Variants in SPDYA observed in about 807,000 individuals in gnomAD.
SPDYA encodes speedy/RINGO cell cycle regulator family member A, also known as speedy protein A.
Under a neutral mutation model 36.7 loss-of-function variants are expected in SPDYA, and 11 were observed. That is an observed-to-expected ratio of 0.30 (90% confidence interval 0.19 to 0.50). SPDYA has a LOEUF of 0.50. Ranked by LOEUF, SPDYA falls within the 20% of genes least tolerant of loss-of-function variation. The pLI, the probability that SPDYA is intolerant of heterozygous loss-of-function variation, is 0.98. For synonymous variants in SPDYA, 115 were observed against 118.7 expected, an observed-to-expected ratio of 0.97 and a Z score of 0.20; for missense variants, 287 against 370.9, an observed-to-expected ratio of 0.77 and a Z score of 1.86.
chr2:28,822,072 C>T (rs1668183619), intron 4 of SPDYA, among the ~76,000 whole-genome samples: 1 of 152,032 alleles, frequency 6.6e-6, no homozygotes, highest in African/African-American at 2.4e-5. Flanking sequence ...GGGATTTTAG[C>T]TCAAACTATT....
chr2:28,815,750 A>C (rs1344940411), intron 2 of SPDYA, among the ~76,000 whole-genome samples: 1 of 152,182 alleles, frequency 6.6e-6, no homozygotes, highest in African/African-American at 2.4e-5. Context: ...TCTGCAGCCA[A>C]AGCAAAATGG....
intron 6 of SPDYA, among the ~76,000 whole-genome samples, chr2:28,837,610 C>A (rs867256858): frequency 2.6e-4 from 39 of 152,232 alleles, no homozygotes; most frequent in Admixed American, 1.0e-3. Flanking sequence ...TCTCACAATT[C>A]TTAGATCTAG....
chr2:28,841,244 T>C (rs1483046482), intron 7 of SPDYA, among the ~76,000 whole-genome samples: 2 of 152,112 alleles, frequency 1.3e-5, no homozygotes, highest in Non-Finnish European at 2.9e-5. Context: ...CAAAACCTGA[T>C]TTTTAATTCT....
chr2:28,830,352 C>T (rs1241589316), intron 6 of SPDYA, among the ~76,000 whole-genome samples: 2 of 151,650 alleles, frequency 1.3e-5, no homozygotes, highest in African/African-American at 2.4e-5. Flanking sequence ...TACAGGCGCC[C>T]GCCACCATGC....
chr2:28,828,080 G>A (rs555317851), intron 5 of SPDYA, among the ~76,000 whole-genome samples: 10 of 151,676 alleles, frequency 6.6e-5, no homozygotes, highest in African/African-American at 2.2e-4. Flanking sequence ...TCTGCCTTCC[G>A]GGTTCAAGCG....
chr2:28,825,585 A>G (rs1030530588), intron 5 of SPDYA, among the ~76,000 whole-genome samples: 2 of 152,076 alleles, frequency 1.3e-5, no homozygotes, highest in Non-Finnish European at 2.9e-5. Flanking sequence ...ATGTATTCTT[A>G]TAAGACTCTG....
At chr2:28,823,702 A>AATAT (rs1160889916) in intron 5 of SPDYA, among the ~76,000 whole-genome samples, 1,878 of 48,978 alleles carry the variant, frequency 0.038, 26 homozygotes, top group Middle Eastern at 0.053. Context: ...GGAATGCATG[A>AATAT]ATATATATAT....
rs113692426 is a variant in SPDYA at position 28,829,223 on chromosome 2, C to T, written c.456C>T (p.Asn152=). The change falls in exon 6 of 8, where the codon AAC becomes AAT. Residue 152 remains asparagine, a synonymous_variant. Coordinates refer to ENST00000334056, the MANE Select transcript of SPDYA (RefSeq NM_182756.4). ...TTTTTCCATGGGCTTTAGGGAAAAA[C>T]TGGAGAAAATTGTTCCCTAATTTCT... ...YEIFPWALGK[N]WRKLFPNFLK... The T allele has an allele frequency of 8.9e-4, 1,432 of 1,613,880 alleles. 17 individuals are homozygous for T. In the African/African-American group the frequency reaches 0.017, roughly 19 times the overall value.
chr2:28,821,064 A>G, intron 4 of SPDYA, among the ~76,000 whole-genome samples: 1 of 152,210 alleles, frequency 6.6e-6, no homozygotes, highest in East Asian at 1.9e-4. Flanking sequence ...ATATTTCACA[A>G]TATATCACTA....
intron 7 of SPDYA, among the ~76,000 whole-genome samples, chr2:28,848,724 C>T (rs1668951053): frequency 6.6e-6 from 1 of 152,094 alleles, no homozygotes; most frequent in African/African-American, 2.4e-5. Context: ...GTAGCATTTA[C>T]CCTCCAAGGC....
rs545162070 is a variant in SPDYA, at chr2:28,839,123, T to G, written c.553-1049T>G. 2.9e-3 allele frequency among the ~76,000 whole-genome samples: 444 copies of G among 152,324 alleles called. 2 individuals carry two copies. Among genetic ancestry groups the G allele is most frequent in the African/African-American group, 9.7e-3 (403 of 41,566 alleles). ...TCATCTAGTCCTCAGAATAATCCTGTGAAGTAGATGATATGCCCATTTTAG... is the reference window on the plus strand; with the variant it reads ...TCATCTAGTCCTCAGAATAATCCTGGGAAGTAGATGATATGCCCATTTTAG... On this transcript the variant is annotated intron_variant, in intron 6 of 7. Transcript: ENST00000334056.
At chr2:28,840,709 G>C in intron 7 of SPDYA, 1 of 1,206,088 alleles carries the variant, frequency 8.3e-7, no homozygotes, top group Non-Finnish European at 1.0e-6. Flanking sequence ...TGCACCATAA[G>C]CCTCAGTATT....
intron 4 of SPDYA, among the ~76,000 whole-genome samples, chr2:28,820,034 C>A (rs1357321849): frequency 6.7e-6 from 1 of 149,696 alleles, no homozygotes; most frequent in East Asian, 2.0e-4. Context: ...AACCAAAGAA[C>A]CACAAACAGA....
intron 4 of SPDYA, among the ~76,000 whole-genome samples, chr2:28,819,820 TAAAAAAA>T (rs1174507151): frequency 1.1e-3 from 19 of 17,212 alleles, no homozygotes; most frequent in East Asian, 6.1e-3. Context: ...CCTGGTCTCT[TAAAAAAA>T]AAAAAAAAAA....
chr2:28,829,800 C>T (rs558430798), intron 6 of SPDYA, among the ~76,000 whole-genome samples: 3 of 151,910 alleles, frequency 2.0e-5, no homozygotes, highest in East Asian at 1.9e-4. Flanking sequence ...AAAAATTAGC[C>T]GGGCGTGGTG....
intron 6 of SPDYA, among the ~76,000 whole-genome samples, chr2:28,835,215 T>C (rs1430413703): frequency 6.6e-6 from 1 of 151,008 alleles, no homozygotes; most frequent in African/African-American, 2.4e-5. Context: ...ATGTGAGCCA[T>C]AGTGCCTGAC....
intron 5 of SPDYA, among the ~76,000 whole-genome samples, chr2:28,826,611 CTT>C (rs777338299): frequency 1.6e-3 from 122 of 75,332 alleles, no homozygotes; most frequent in African/African-American, 5.7e-3. Context: ...TTCTTTCTCT[CTT>C]TTTTTTTTTT....
intron 7 of SPDYA, among the ~76,000 whole-genome samples, chr2:28,842,723 G>C (rs1187746385): frequency 1.3e-5 from 2 of 152,100 alleles, no homozygotes; most frequent in Admixed American, 1.3e-4. Context: ...CAATATAAAG[G>C]AAAAGTATTG....
Position 28,850,201 on chromosome 2 carries a change from A to C in SPDYA, c.*260A>C, listed in dbSNP as rs1311730154. Reference sequence around the variant, plus strand: ...TCAGTTACTGTCATCTGGAGTACTCAGTTAAGTTGTGGTTTGACCTTCCTC... The same window carrying C: ...TCAGTTACTGTCATCTGGAGTACTCCGTTAAGTTGTGGTTTGACCTTCCTC... On this transcript the variant is annotated 3_prime_UTR_variant, in exon 8 of 8. Transcript: ENST00000334056. 1 of 1,611,164 alleles carries C rather than the reference A, an allele frequency of 6.2e-7. No individual in the cohort carries two copies. Among genetic ancestry groups the C allele is most frequent in the South Asian group, 1.1e-5 (1 of 90,570 alleles).
Sources: gnomAD v4.1 joint callset for allele counts (sites outside exome capture counted in the v4.1 genomes callset) on GRCh38, gnomAD v4.1.1 for gene constraint, MANE v1.5 for transcripts, NCBI Gene and HGNC (gene_info 2026-07-23, HGNC 2026-07-21) for gene names.